SASH1: variants seen among roughly 807,000 people sequenced by gnomAD.
The protein encoded by SASH1 is SAM and SH3 domain containing 1.
SASH1 carries 44 observed loss-of-function variants against 125.2 expected under a neutral mutation model. The observed-to-expected ratio is 0.35, with a 90% confidence interval of 0.28 to 0.45. The LOEUF (loss-of-function observed/expected upper bound fraction) is 0.45, where lower values mean the gene tolerates loss of function less well. SASH1 is among the 20% of genes least tolerant of loss of function. The pLI, the probability that SASH1 is intolerant of heterozygous loss-of-function variation, is 1.00. For synonymous variants in SASH1, 639 were observed against 649.1 expected (o/e 0.98, Z 0.24); for missense variants, 1,426 against 1,614.5 (o/e 0.88, Z 2.00).
At chr6:148,477,103 G>T (rs1392427680) in intron 7 of SASH1, among the ~76,000 whole-genome samples, 1 of 152,154 alleles carries the variant, frequency 6.6e-6, no homozygotes, top group Non-Finnish European at 1.5e-5. Flanking sequence ...ACTCAACTAT[G>T]AAACTAGTAA....
At chr6:148,387,108 C>T in intron 1 of SASH1, among the ~76,000 whole-genome samples, 1 of 136,782 alleles carries the variant, frequency 7.3e-6, no homozygotes, top group African/African-American at 2.7e-5. Context: ...TCCTTCCTTT[C>T]TTTCTTTTCT....
intron 2 of SASH1, among the ~76,000 whole-genome samples, chr6:148,427,397 A>T (rs1488328875): frequency 2.0e-5 from 3 of 152,196 alleles, no homozygotes; most frequent in African/African-American, 7.2e-5. Context: ...TGTGTCTTTT[A>T]ATGATTACAT....
At chr6:148,220,997 T>C in the SASH1 span, among the ~76,000 whole-genome samples, 4 of 152,264 alleles carry the variant, frequency 2.6e-5, no homozygotes, top group African/African-American at 9.6e-5. Flanking sequence ...AAAATCCCTC[T>C]TTTTTCCCTC....
At chr6:148,450,940 G>A (rs1777072664) in intron 4 of SASH1, among the ~76,000 whole-genome samples, 1 of 152,200 alleles carries the variant, frequency 6.6e-6, no homozygotes, top group Non-Finnish European at 1.5e-5. Context: ...ATTATCAAAT[G>A]AAGATGATCA....
At chr6:148,410,052 T>C (rs1435102547) in intron 2 of SASH1, among the ~76,000 whole-genome samples, 1 of 149,734 alleles carries the variant, frequency 6.7e-6, no homozygotes, top group Non-Finnish European at 1.5e-5. Flanking sequence ...TGAGGGTACC[T>C]GTGCAAGAGG....
At chr6:148,198,870 T>A in the SASH1 span, among the ~76,000 whole-genome samples, 11 of 152,250 alleles carry the variant, frequency 7.2e-5, 1 homozygote, top group Non-Finnish European at 1.6e-4. Context: ...AGATGACAAT[T>A]ATCAGCTAGT....
At chr6:148,472,493 A>C in intron 6 of SASH1, among the ~76,000 whole-genome samples, 1 of 151,444 alleles carries the variant, frequency 6.6e-6, no homozygotes, top group Non-Finnish European at 1.5e-5. Context: ...AGAGGTACAG[A>C]GGGAGAGGGA....
At chr6:148,449,375 TG>T (rs1776980882) in intron 4 of SASH1, among the ~76,000 whole-genome samples, 1 of 144,966 alleles carries the variant, frequency 6.9e-6, no homozygotes, top group Non-Finnish European at 1.5e-5. Flanking sequence ...TGGCTGAGAC[TG>T]GCTAATTTCT....
chr6:148,488,443 C>T (rs1778966787), intron 8 of SASH1, among the ~76,000 whole-genome samples: 1 of 152,242 alleles, frequency 6.6e-6, no homozygotes, highest in South Asian at 2.1e-4. Context: ...AACAATGCTG[C>T]TCTGAACACT....
the SASH1 span, among the ~76,000 whole-genome samples, chr6:148,226,971 T>C: frequency 2.0e-5 from 3 of 152,182 alleles, 1 homozygote; most frequent in South Asian, 6.2e-4. Context: ...GGAAGTAGTA[T>C]ATTCAACAAA....
Position 148,544,381 on chromosome 6 carries a change from G to C in SASH1, c.2911G>C (p.Asp971His). ...TCCCCTGGGCACCAAAGAAGGGGTA[G>C]ATGCTGAGCAGAGAATGCAGCCCAA... Reference protein sequence around the residue: ...HHPLGTKEGVDAEQRMQPKIP... With the variant: ...HHPLGTKEGVHAEQRMQPKIP... The change falls in exon 18 of 20, where the codon GAT becomes CAT. Residue 971 changes from aspartate to histidine, a missense_variant. Physicochemically the swap from Asp to His is moderately conservative, Grantham distance 81. Around this residue, in one of 3 missense-constraint regions of SASH1, gnomAD observed 634 missense variants for 694.4 expected, o/e 0.91. Transcript: ENST00000367467. The surrounding 1 kb of genome is among the most constrained non-coding windows in gnomAD (Gnocchi z 6.4). 1 of 1,614,190 alleles carries C rather than the reference G, an allele frequency of 6.2e-7. No homozygotes were observed. Among genetic ancestry groups the C allele is most frequent in the South Asian group, 1.1e-5 (1 of 91,082 alleles).
chr6:148,537,776 CTGTGTGTGTGTG>C (rs55644027), intron 16 of SASH1, among the ~76,000 whole-genome samples: 10,092 of 125,606 alleles, frequency 0.08, 416 homozygotes, highest in East Asian at 0.21. Flanking sequence ...TTAGCATATT[CTGTGTGTGTGTG>C]TGTGTGTGTG....
chr6:148,504,318 G>A (rs1768328), intron 8 of SASH1, among the ~76,000 whole-genome samples: 54,328 of 151,962 alleles, frequency 0.36, 10,645 homozygotes, highest in African/African-American at 0.52. Flanking sequence ...TTTCTACCAC[G>A]TGGTATCTGA....
rs893707766 is a variant in SASH1 at position 148,281,692 on chromosome 6, G to A, written n.74+9315G>A. On this transcript the variant is annotated intron_variant and non_coding_transcript_variant, in intron 1 of 3. Transcript: ENST00000367469. ...AATCCCAGCACTTTGGGAGGCTGAGGTGGGTGGATCATGAGGTCAGGAGAT... is the reference window on the plus strand; with the variant it reads ...AATCCCAGCACTTTGGGAGGCTGAGATGGGTGGATCATGAGGTCAGGAGAT... Among the ~76,000 whole-genome samples the A allele has an allele frequency of 1.7e-4, 26 of 152,152 alleles. 2 individuals are homozygous for A. The highest frequency in any genetic ancestry group is 1.4e-3 in the Admixed American group (22 of 15,290).
Position 148,540,518 on chromosome 6 carries a change from A to G in SASH1, c.2171A>G (p.Asp724Gly). 17 of 1,614,076 alleles carry G rather than the reference A, an allele frequency of 1.1e-5. No individual in the cohort carries two copies. Among genetic ancestry groups the G allele is most frequent in the Non-Finnish European group, 1.4e-5 (17 of 1,179,996 alleles). The change falls in exon 17 of 20, where the codon GAC becomes GGC. Residue 724 changes from aspartate (D) to glycine (G), a missense_variant. Asp to Gly is a moderately conservative substitution (Grantham distance 94, BLOSUM62 -1). Around this residue, in one of 3 missense-constraint regions of SASH1, gnomAD observed 634 missense variants for 694.4 expected, o/e 0.91. Transcript: ENST00000367467. Reference protein sequence around the residue: ...SQGLSGCSPRDSGCYESSENL... With the variant: ...SQGLSGCSPRGSGCYESSENL... ...GGCCTGAGTGGATGCTCACCCCGAG[A>G]CTCAGGATGCTACGAAAGCAGTGAG...
chr6:148,465,287 C>T (rs1777779719), intron 4 of SASH1, among the ~76,000 whole-genome samples: 1 of 152,136 alleles, frequency 6.6e-6, no homozygotes, highest in Non-Finnish European at 1.5e-5. Context: ...CACGGTGGCT[C>T]ATGCCTGCAA....
chr6:148,306,263 GC>G (rs1431646838), intron 1 of SASH1, among the ~76,000 whole-genome samples: 1 of 152,040 alleles, frequency 6.6e-6, no homozygotes, highest in Admixed American at 6.6e-5. Context: ...CCCAAAAGAA[GC>G]CAGAGAACCA....
In SASH1 at chr6:148,487,110, C is replaced by CAT. The variant is rs1354607316; in HGVS notation, c.628-503_628-502insTA. On this transcript the variant is annotated intron_variant, in intron 7 of 19. Transcript: ENST00000367467. ...ATATATATACACACACACACACACA[C>CAT]ACATATATATATATATATATGTGTA... Among the ~76,000 whole-genome samples, 107 of 132,694 alleles carry CAT rather than the reference C, an allele frequency of 8.1e-4. 2 individuals carry two copies. The highest frequency in any genetic ancestry group is 2.5e-3 in the African/African-American group (91 of 36,838). 87.1% of individuals were successfully genotyped at this position (132,694 alleles called of 152,430 possible). A position where few individuals can be genotyped will look rare whatever the true frequency, so the allele number is the denominator to read the frequency against.
the SASH1 span, among the ~76,000 whole-genome samples, chr6:148,245,297 A>G: frequency 1.3e-5 from 2 of 152,198 alleles, no homozygotes; most frequent in African/African-American, 4.8e-5. Context: ...CCTGCAATTA[A>G]GTTGTAGATG....
Sources: gnomAD v4.1 joint callset for allele counts (sites outside exome capture counted in the v4.1 genomes callset) on GRCh38, gnomAD v4.1.1 for gene constraint, gnomAD v4.1.1 regional missense constraint, Gnocchi (gnomAD v3.1) non-coding constraint, MANE v1.5 for transcripts, NCBI Gene and HGNC (gene_info 2026-07-23, HGNC 2026-07-21) for gene names.